KLHL29: variants seen among roughly 807,000 people sequenced by gnomAD.
KLHL29 encodes kelch-like protein 29.
Under a neutral mutation model 80.4 loss-of-function variants are expected in KLHL29, and 21 were observed. That is an observed-to-expected ratio of 0.26 (90% CI 0.19 to 0.38). KLHL29 has a LOEUF of 0.38. Ranked by LOEUF, KLHL29 falls within the 10% of genes least tolerant of loss-of-function variation. The pLI is 1.00. For missense variants in KLHL29, 867 were observed against 1,223.9 expected, an observed-to-expected ratio of 0.71 and a Z score of 4.35; for synonymous variants, 511 against 526.8, an observed-to-expected ratio of 0.97 and a Z score of 0.41.
At chr2:23,635,857 A>T (rs1410662369) in intron 3 of KLHL29, among the ~76,000 whole-genome samples, 2 of 152,252 alleles carry the variant, frequency 1.3e-5, no homozygotes, top group East Asian at 3.8e-4. Flanking sequence ...GGTGTCCCAG[A>T]TGATGGCAGT....
rs143989432 is a variant in KLHL29 at position 23,657,436 on chromosome 2, G to C, written c.940+14586G>C. ...AGCCCACTACTTCTATTGAAATAAA[G>C]TATTCTGCAGTCAAACCACACACCA... On this transcript the variant is annotated intron_variant, in intron 5 of 13. Transcript: ENST00000486442. Among the ~76,000 whole-genome samples the C allele has an allele frequency of 3.5e-3, 540 of 152,332 alleles. 5 individuals are homozygous for C. Among genetic ancestry groups the C allele is most frequent in the African/African-American group, 0.013 (522 of 41,562 alleles).
At chr2:23,659,818 C>T (rs1670354108) in intron 5 of KLHL29, among the ~76,000 whole-genome samples, 1 of 151,904 alleles carries the variant, frequency 6.6e-6, no homozygotes, top group East Asian at 1.9e-4. Flanking sequence ...TCAGTTCTCC[C>T]TCCCACCCCT....
At chr2:23,627,961 G>A (rs924465044) in intron 3 of KLHL29, among the ~76,000 whole-genome samples, 3 of 138,850 alleles carry the variant, frequency 2.2e-5, no homozygotes, top group African/African-American at 8.2e-5. Flanking sequence ...AGGCTGGAGG[G>A]CAGTGGCACG....
At chr2:23,536,601 C>T (rs1411029652) in intron 2 of KLHL29, among the ~76,000 whole-genome samples, 2 of 152,152 alleles carry the variant, frequency 1.3e-5, no homozygotes, top group Non-Finnish European at 2.9e-5. Context: ...GAGAGCTCGG[C>T]ACAGCAGCCT....
intron 2 of KLHL29, among the ~76,000 whole-genome samples, chr2:23,560,812 G>T (rs1273592452): frequency 6.6e-6 from 1 of 152,212 alleles, no homozygotes; most frequent in African/African-American, 2.4e-5. Context: ...GGCTGCTTGG[G>T]TTGGGCACAG....
chr2:23,509,873 T>G (rs1338662732), intron 2 of KLHL29, among the ~76,000 whole-genome samples: 1 of 152,172 alleles, frequency 6.6e-6, no homozygotes, highest in Non-Finnish European at 1.5e-5. Context: ...TTTTCATTCC[T>G]CCTGACGGAC....
chr2:23,440,334 G>A (rs1319200049), intron 1 of KLHL29, among the ~76,000 whole-genome samples: 1 of 151,364 alleles, frequency 6.6e-6, no homozygotes, highest in African/African-American at 2.4e-5. Flanking sequence ...AATTCAAGAT[G>A]GATTAAAGAC....
rs1487454684 is a variant in KLHL29, at chr2:23,695,254, AATC to A, written c.1543-368_1543-366del. Among the ~76,000 whole-genome samples, 1 of 152,058 alleles carries A rather than the reference AATC, an allele frequency of 6.6e-6. No individual in the cohort carries two copies. Among genetic ancestry groups the A allele is most frequent in the African/African-American group, 2.4e-5 (1 of 41,384 alleles). On this transcript the variant is annotated intron_variant, in intron 8 of 13. Transcript: ENST00000486442. This position sits in a 1 kb window ranked among gnomAD's most constrained non-coding sequence, Gnocchi z 7.6. ...CTTGTCACACTCACAGCTCTTTAATAATCGCGTCTTCCTCATTTTAACCCCTCG... is the reference window on the plus strand; with the variant it reads ...CTTGTCACACTCACAGCTCTTTAATAGCGTCTTCCTCATTTTAACCCCTCG...
At chr2:23,427,118 G>A (rs1033877752) in intron 1 of KLHL29, among the ~76,000 whole-genome samples, 5 of 152,136 alleles carry the variant, frequency 3.3e-5, no homozygotes, top group Admixed American at 2.6e-4. Context: ...TCCCAAAACA[G>A]TACCTAACAG....
chr2:23,427,060 T>C (rs1304226132), intron 1 of KLHL29, among the ~76,000 whole-genome samples: 6 of 152,216 alleles, frequency 3.9e-5, no homozygotes, highest in East Asian at 1.9e-4. Context: ...TGGCATTTCA[T>C]ATCCCAGGTG....
At chr2:23,444,140 G>T (rs1663609197) in intron 1 of KLHL29, among the ~76,000 whole-genome samples, 1 of 152,018 alleles carries the variant, frequency 6.6e-6, no homozygotes, top group South Asian at 2.1e-4. Context: ...AAGAATCCTG[G>T]TTCTTTTTAG....
chr2:23,576,653 G>A (rs756558369), intron 3 of KLHL29, among the ~76,000 whole-genome samples: 3 of 152,150 alleles, frequency 2.0e-5, no homozygotes, highest in Non-Finnish European at 2.9e-5. Flanking sequence ...ACCACTCACC[G>A]GACCACAGGG....
intron 1 of KLHL29, among the ~76,000 whole-genome samples, chr2:23,453,845 C>T (rs924362771): frequency 1.3e-5 from 2 of 152,070 alleles, no homozygotes; most frequent in Non-Finnish European, 2.9e-5. Context: ...TGGTAACTTA[C>T]AATGGGCAAA....
At chr2:23,564,833 A>G (rs971049034) in intron 3 of KLHL29, among the ~76,000 whole-genome samples, 4 of 152,208 alleles carry the variant, frequency 2.6e-5, no homozygotes, top group Admixed American at 1.3e-4. Flanking sequence ...TGTGGCCTGG[A>G]CAGTGTGACC....
chr2:23,449,092 A>G (rs1455729647), intron 1 of KLHL29, among the ~76,000 whole-genome samples: 1 of 152,162 alleles, frequency 6.6e-6, no homozygotes, highest in Admixed American at 6.5e-5. Flanking sequence ...GTGTGTTCCC[A>G]GCATCTAAGC....
At chr2:23,522,689 G>T (rs1478827360) in intron 2 of KLHL29, among the ~76,000 whole-genome samples, 1 of 152,108 alleles carries the variant, frequency 6.6e-6, no homozygotes, top group Non-Finnish European at 1.5e-5. Context: ...GGAAACCCAT[G>T]GCTCAGTCTC....
chr2:23,554,898 C>T (rs560797336), intron 2 of KLHL29, among the ~76,000 whole-genome samples: 74 of 152,274 alleles, frequency 4.9e-4, no homozygotes, highest in Admixed American at 3.4e-3. Flanking sequence ...CACCGCCCCC[C>T]AACACACCAG....
intron 5 of KLHL29, among the ~76,000 whole-genome samples, chr2:23,683,639 G>C (rs1671153537): frequency 6.6e-6 from 1 of 152,226 alleles, no homozygotes; most frequent in Non-Finnish European, 1.5e-5. Flanking sequence ...GTGTGCAGCA[G>C]AGTGGGAGCC....
rs181570597 is a variant in KLHL29 at position 23,708,541 on chromosome 2, T to C, written c.*1877T>C. On this transcript the variant is annotated 3_prime_UTR_variant, in exon 14 of 14. Transcript: ENST00000486442. ...AAAACAGGGTTCTCTGTAATGGTAT[T>C]GTACATAGTATATGTTTACTGTTAA... The C allele has an allele frequency of 1.4e-3, 211 of 152,334 alleles. 3 individuals carry two copies. Among genetic ancestry groups the C allele is most frequent in the African/African-American group, 4.8e-3 (201 of 41,570 alleles). The allele number at this position is 152,334 out of a possible 1,614,324, so 9.4% of individuals were successfully genotyped here.
Sources: allele counts gnomAD v4.1 joint callset (sites outside exome capture counted in the v4.1 genomes callset), GRCh38; gene constraint gnomAD v4.1.1; non-coding constraint Gnocchi (gnomAD v3.1); transcripts MANE v1.5; gene names NCBI Gene and HGNC (gene_info 2026-07-23, HGNC 2026-07-21).